Variants in ATOSA observed in about 807,000 individuals in gnomAD.
The protein encoded by ATOSA is atos homolog A.
chr15:52,680,306 T>C, the ATOSA span, among the ~76,000 whole-genome samples: 1 of 152,158 alleles, frequency 6.6e-6, no homozygotes, highest in Admixed American at 6.5e-5. Context: ...AAAGTACATA[T>C]GGGGCATGAG....
chr15:52,621,384 A>G, the ATOSA span, among the ~76,000 whole-genome samples: 2 of 152,366 alleles, frequency 1.3e-5, no homozygotes, highest in African/African-American at 2.4e-5. Flanking sequence ...TCTGACTAGC[A>G]TAAGTAACTC....
At chr15:52,661,931 C>CAAAAAAAAA in the ATOSA span, among the ~76,000 whole-genome samples, 2 of 73,244 alleles carry the variant, frequency 2.7e-5, no homozygotes, top group East Asian at 5.2e-4. Flanking sequence ...CAAGCCAGGC[C>CAAAAAAAAA]AAAAAAAAAA....
At chr15:52,637,433 C>T in the ATOSA span, among the ~76,000 whole-genome samples, 2 of 152,164 alleles carry the variant, frequency 1.3e-5, no homozygotes, top group Non-Finnish European at 2.9e-5. Context: ...CAAATTTGCT[C>T]GTCCTCTTAA....
the ATOSA span, chr15:52,609,202 T>C: frequency 1.2e-6 from 2 of 1,612,378 alleles, no homozygotes; most frequent in Non-Finnish European, 1.7e-6. Context: ...TTCTTTACTA[T>C]TATTTTTAAA....
chr15:52,611,789 T>A, the ATOSA span: 5 of 1,612,574 alleles, frequency 3.1e-6, no homozygotes, highest in Non-Finnish European at 4.2e-6. Flanking sequence ...TTAGAGAAAA[T>A]GAATATAAGC....
chr15:52,624,173 T>C, the ATOSA span, among the ~76,000 whole-genome samples: 3 of 152,202 alleles, frequency 2.0e-5, no homozygotes, highest in South Asian at 2.1e-4. Context: ...TGAATCCTAA[T>C]ACAGATTAAT....
chr15:52,671,890 G>A, the ATOSA span, among the ~76,000 whole-genome samples: 1 of 151,450 alleles, frequency 6.6e-6, no homozygotes, highest in African/African-American at 2.4e-5. Flanking sequence ...TGGTAAACAA[G>A]GGGAAGAGAT....
At chr15:52,700,784 G>T in the ATOSA span, among the ~76,000 whole-genome samples, 2 of 152,182 alleles carry the variant, frequency 1.3e-5, no homozygotes, top group African/African-American at 2.4e-5. Context: ...TCTCGTGGAA[G>T]TAATTTCTGA....
At chr15:52,595,026 C>T in the ATOSA span, among the ~76,000 whole-genome samples, 4 of 152,150 alleles carry the variant, frequency 2.6e-5, no homozygotes, top group Non-Finnish European at 5.9e-5. Flanking sequence ...TCCAACATTG[C>T]CATGCTCTTT....
the ATOSA span, among the ~76,000 whole-genome samples, chr15:52,584,090 G>GAAAAAAAAAAAAAAA: frequency 4.8e-5 from 2 of 41,878 alleles, no homozygotes; most frequent in African/African-American, 6.7e-5. Context: ...GTCTCAAGAA[G>GAAAAAAAAAAAAAAA]AAAAAAAAAA....
the ATOSA span, chr15:52,658,619 G>T: frequency 2.5e-6 from 1 of 396,470 alleles, no homozygotes; most frequent in Non-Finnish European, 4.4e-6. Context: ...CATCAAACAT[G>T]CATGCTCCCT....
the ATOSA span, among the ~76,000 whole-genome samples, chr15:52,606,337 A>C: frequency 6.6e-6 from 1 of 152,166 alleles, no homozygotes. Context: ...TTTATACCCA[A>C]AGATCAGAAA....
At chr15:52,692,382 G>C in the ATOSA span, among the ~76,000 whole-genome samples, 1 of 152,106 alleles carries the variant, frequency 6.6e-6, no homozygotes, top group African/African-American at 2.4e-5. Context: ...TTTGACACAG[G>C]GTTTTGCTCC....
chr15:52,699,627 T>C, the ATOSA span, among the ~76,000 whole-genome samples: 1 of 151,832 alleles, frequency 6.6e-6, no homozygotes, highest in African/African-American at 2.4e-5. Flanking sequence ...ACTTGAGTGG[T>C]TCCTTTTGTC....
chr15:52,654,674 G>A, the ATOSA span, among the ~76,000 whole-genome samples: 2 of 152,066 alleles, frequency 1.3e-5, no homozygotes, highest in African/African-American at 2.4e-5. Context: ...TAGGATAGTA[G>A]ATCTTTTACA....
the ATOSA span, chr15:52,593,503 C>T: frequency 4.6e-5 from 61 of 1,340,008 alleles, no homozygotes; most frequent in South Asian, 8.2e-4. Context: ...TTTTCAAGTA[C>T]TGCATCAAAG....
the ATOSA span, among the ~76,000 whole-genome samples, chr15:52,593,988 TA>T: frequency 6.6e-6 from 1 of 152,244 alleles, no homozygotes; most frequent in East Asian, 1.9e-4. Context: ...CTTCTCTCAC[TA>T]TTCCAACTCA....
chr15:52,667,367 A>G, the ATOSA span, among the ~76,000 whole-genome samples: 3 of 152,260 alleles, frequency 2.0e-5, no homozygotes, highest in Admixed American at 1.3e-4. Context: ...TGTAAAAGGA[A>G]GCAATGTACA....
chr15:52,598,471 CCT>C, the ATOSA span: 3 of 152,116 alleles, frequency 2.0e-5, no homozygotes, highest in Non-Finnish European at 4.4e-5. Context: ...AAGACTTTGC[CCT>C]GTTTTCATTA....
Sources: gnomAD v4.1 joint callset for allele counts (sites outside exome capture counted in the v4.1 genomes callset) on GRCh38, gnomAD v4.1.1 for gene constraint, MANE v1.5 for transcripts, NCBI Gene and HGNC (gene_info 2026-07-23, HGNC 2026-07-21) for gene names.